FBXO42: variants seen among roughly 807,000 people sequenced by gnomAD.
FBXO42 encodes the protein F-box only protein 42.
Under a neutral mutation model 71.7 loss-of-function variants are expected in FBXO42, and 12 were observed. The observed-to-expected ratio is 0.17, with a 90% CI of 0.11 to 0.27. The LOEUF is 0.27. Among genes scored for constraint, FBXO42 ranks in the 10% least tolerant of loss-of-function variants. The probability of loss-of-function intolerance (pLI) is 1.00; values close to 1 mark genes in which losing one functional copy is unlikely to be tolerated. For missense variants in FBXO42, 707 were observed against 911.9 expected, an observed-to-expected ratio of 0.78 and a Z score of 2.89; for synonymous variants, 325 against 327.5, an observed-to-expected ratio of 0.99 and a Z score of 0.08.
At chr1:16,346,463 C>T (rs1371070116) in intron 1 of FBXO42, among the ~76,000 whole-genome samples, 4 of 151,996 alleles carry the variant, frequency 2.6e-5, no homozygotes, top group South Asian at 2.1e-4. Flanking sequence ...CCGAGGCGGG[C>T]GGATCATGAG....
intron 1 of FBXO42, among the ~76,000 whole-genome samples, chr1:16,325,200 T>C (rs1412362015): frequency 6.6e-6 from 1 of 152,124 alleles, no homozygotes; most frequent in African/African-American, 2.4e-5. Context: ...ATCATGCCAC[T>C]GCACTCCAGC....
chr1:16,285,195 A>G (rs973239041), intron 4 of FBXO42, among the ~76,000 whole-genome samples: 1 of 151,498 alleles, frequency 6.6e-6, no homozygotes, highest in African/African-American at 2.4e-5. Context: ...TTCTACATCT[A>G]CCTCCACTTA....
Position 16,338,877 on chromosome 1 carries a change from C to T in FBXO42, c.-18+13378G>A, listed in dbSNP as rs185064204. ...CCAGGCTGGAGTGCAGTGGCACAAT[C>T]GCGGCTCACTGCAACCTCCGCCTCC... is the stretch of plus-strand genomic sequence containing the variant. On this transcript the variant is annotated intron_variant, in intron 1 of 9. Transcript: ENST00000375592. 3.0e-3 allele frequency among the ~76,000 whole-genome samples: 406 copies of T among 133,226 alleles called. 1 individual carries two copies. The highest frequency in any genetic ancestry group is 9.9e-3 in the African/African-American group (350 of 35,428). The allele number at this position is 133,226 out of a possible 152,430, so 87.4% of individuals were successfully genotyped here.
intron 7 of FBXO42, 43 bp from the exon 8 acceptor site, chr1:16,253,195 G>C (rs534782544): frequency 1.3e-6 from 2 of 1,578,774 alleles, no homozygotes; most frequent in East Asian, 2.2e-5. Context: ...CAAAGACACA[G>C]GTTTCTGACT....
intron 1 of FBXO42, among the ~76,000 whole-genome samples, chr1:16,341,767 T>A (rs181873606): frequency 1.7e-4 from 25 of 150,436 alleles, no homozygotes; most frequent in Non-Finnish European, 3.1e-4. Context: ...GGTCAGGAGT[T>A]CGAGACCAAC....
At chr1:16,348,013 A>AAAAAG (rs2082666554) in intron 1 of FBXO42, among the ~76,000 whole-genome samples, 1 of 152,000 alleles carries the variant, frequency 6.6e-6, no homozygotes, top group African/African-American at 2.4e-5. Flanking sequence ...AAAAAAAGAA[A>AAAAAG]AAAAGAAAAG....
rs534419453 is a variant in FBXO42, at chr1:16,266,088, T to TG, written c.503-9330_503-9329insC. Among the ~76,000 whole-genome samples the TG allele has an allele frequency of 3.5e-4, 53 of 152,250 alleles. No homozygotes were observed. The South Asian group carries it at 0.011, about 31-fold the overall frequency. On this transcript the variant is annotated intron_variant, in intron 4 of 9. Transcript: ENST00000375592. ...TGCTTTAAAACACTTTCAAATAAAA[T>TG]AATCAAACAAGATAGAACTTTTGAA...
At chr1:16,300,893 CTTTTTTT>C (rs34549210) in intron 3 of FBXO42, among the ~76,000 whole-genome samples, 1 of 100,894 alleles carries the variant, frequency 9.9e-6, no homozygotes, top group Non-Finnish European at 1.9e-5. Context: ...TAGAATTGGC[CTTTTTTT>C]TTTTTTTTTT....
At chr1:16,261,828 T>C (rs9782957) in intron 4 of FBXO42, among the ~76,000 whole-genome samples, 53,717 of 151,816 alleles carry the variant, frequency 0.35, 10,016 homozygotes, top group African/African-American at 0.42. Context: ...CTCAACCTCC[T>C]GAGTAGCTGG....
intron 1 of FBXO42, among the ~76,000 whole-genome samples, chr1:16,318,800 T>C (rs1433937375): frequency 6.6e-6 from 1 of 152,108 alleles, no homozygotes; most frequent in African/African-American, 2.4e-5. Flanking sequence ...TGACAAAGCC[T>C]GTCCAACAGA....
At chr1:16,350,568 A>G (rs1472516391) in intron 1 of FBXO42, among the ~76,000 whole-genome samples, 1 of 133,106 alleles carries the variant, frequency 7.5e-6, no homozygotes, top group Non-Finnish European at 1.6e-5. Flanking sequence ...TCTCTACTAA[A>G]ATTACAAAAA....
rs961816145 is a variant in FBXO42 at position 16,247,227 on chromosome 1, A to C, written c.*3443T>G. ...CTTCTGCAGTTCATGGAGAGGCTAC[A>C]TGGGACGCAGGCCTGGAAATTCAGC... is the stretch of plus-strand genomic sequence containing the variant. On this transcript the variant is annotated 3_prime_UTR_variant, in exon 10 of 10. Transcript: ENST00000375592. The C allele has an allele frequency of 6.6e-6, 1 of 152,262 alleles. No homozygotes were observed. The highest frequency in any genetic ancestry group is 1.9e-4 in the East Asian group (1 of 5,202). The allele number at this position is 152,262 out of a possible 1,614,324, so 9.4% of individuals were successfully genotyped here.
Position 16,336,095 on chromosome 1 carries a change from G to T in FBXO42, c.-18+16160C>A, listed in dbSNP as rs548037562. Among the ~76,000 whole-genome samples the T allele has an allele frequency of 2.0e-5, 3 of 151,196 alleles. No individual in the cohort carries two copies. In the South Asian group the frequency reaches 6.3e-4, roughly 32 times the overall value. On this transcript the variant is annotated intron_variant, in intron 1 of 9. Transcript: ENST00000375592. ...TGGGATTACAGGCGCCTGCCACCAT[G>T]CCCGGCTAATTTTTCTGTTTTTAGT...
intron 4 of FBXO42, chr1:16,293,680 C>A (rs56256024): frequency 6.6e-6 from 1 of 152,178 alleles, no homozygotes; most frequent in African/African-American, 2.4e-5. Flanking sequence ...AGAACAGGAA[C>A]TTAAGTTTTA....
intron 2 of FBXO42, among the ~76,000 whole-genome samples, chr1:16,308,494 CTTTTT>C (rs71003268): frequency 7.9e-6 from 1 of 126,728 alleles, no homozygotes; most frequent in Non-Finnish European, 1.6e-5. Flanking sequence ...ACCCATCTCT[CTTTTT>C]TTTTTTTTTT....
At chr1:16,270,217 G>T (rs910114941) in intron 4 of FBXO42, among the ~76,000 whole-genome samples, 1 of 152,030 alleles carries the variant, frequency 6.6e-6, no homozygotes, top group African/African-American at 2.4e-5. Context: ...ATCCAGGAAC[G>T]AATTAATCCA....
intron 1 of FBXO42, among the ~76,000 whole-genome samples, chr1:16,336,942 G>A (rs563583383): frequency 1.6e-4 from 25 of 152,208 alleles, no homozygotes; most frequent in Non-Finnish European, 2.2e-4. Context: ...CAGAGATCAT[G>A]CCATTGCACT....
chr1:16,270,692 A>AAG (rs1553150218), intron 4 of FBXO42, among the ~76,000 whole-genome samples: 828 of 33,948 alleles, frequency 0.024, 145 homozygotes, highest in African/African-American at 0.092. Flanking sequence ...AAAAAAAAAA[A>AAG]AAAAGAAAAG....
chr1:16,345,273 A>T (rs2082645874), intron 1 of FBXO42, among the ~76,000 whole-genome samples: 1 of 149,678 alleles, frequency 6.7e-6, no homozygotes, highest in Non-Finnish European at 1.5e-5. Flanking sequence ...AATACAAAAA[A>T]TTAGCTGGGC....
Sources: allele counts gnomAD v4.1 joint callset (sites outside exome capture counted in the v4.1 genomes callset), GRCh38; gene constraint gnomAD v4.1.1; transcripts MANE v1.5; gene names NCBI Gene and HGNC (gene_info 2026-07-23, HGNC 2026-07-21).